The following TTLL9 variants were observed in gnomAD, a reference collection of about 807,000 sequenced individuals.
TTLL9 encodes the protein tubulin tyrosine ligase like 9.
TTLL9 carries 47 observed loss-of-function variants against 65.6 expected under a neutral mutation model. The observed-to-expected ratio is 0.72, with a 90% CI of 0.57 to 0.91. TTLL9 has a LOEUF of 0.91. TTLL9 is among the 40% of genes least tolerant of loss of function. The probability of loss-of-function intolerance (pLI) is 0.00; values close to 1 mark genes in which losing one functional copy is unlikely to be tolerated. For synonymous variants in TTLL9, 179 were observed against 204.8 expected (o/e 0.87, Z 1.07); for missense variants, 537 against 568.8 (o/e 0.94, Z 0.57).
In TTLL9 at chr20:31,881,602, C is replaced by CTTTTT. The variant is rs5841092; in HGVS notation, c.70-5578_70-5574dup. On this transcript the variant is annotated intron_variant, in intron 2 of 14. Coordinates refer to ENST00000535842, the MANE Select transcript of TTLL9 (RefSeq NM_001008409.5). ...AATACACAGATTGGGACACATATAA[C>CTTTTT]TTTTTTTTTTTTTTTTTTTTGGAGA... Among the ~76,000 whole-genome samples the CTTTTT allele has an allele frequency of 4.8e-5, 6 of 125,258 alleles. 1 individual carries two copies. The highest frequency in any genetic ancestry group is 9.2e-5 in the African/African-American group (3 of 32,546). The allele number at this position is 125,258 out of a possible 152,430, so 82.2% of individuals were successfully genotyped here. A position where few individuals can be genotyped will look rare whatever the true frequency, so the allele number is the denominator to read the frequency against.
intron 10 of TTLL9, among the ~76,000 whole-genome samples, chr20:31,928,374 C>T (rs1308544244): frequency 6.6e-6 from 1 of 151,822 alleles, no homozygotes; most frequent in Admixed American, 6.6e-5. Context: ...CTATAACAAC[C>T]CATGCATTTA....
At chr20:31,927,480 C>CAAAAAAAAAAA (rs777895091) in intron 10 of TTLL9, among the ~76,000 whole-genome samples, 1 of 54,198 alleles carries the variant, frequency 1.8e-5, no homozygotes, top group Non-Finnish European at 3.3e-5. Context: ...GACTCTGTCT[C>CAAAAAAAAAAA]AAAAAAAAAA....
chr20:31,876,917 T>A (rs1273855182), intron 2 of TTLL9, among the ~76,000 whole-genome samples: 1 of 152,238 alleles, frequency 6.6e-6, no homozygotes, highest in Non-Finnish European at 1.5e-5. Flanking sequence ...ATTGACATAT[T>A]TTATTTTTGT....
At chr20:31,887,805 T>C (rs943668297) in intron 3 of TTLL9, among the ~76,000 whole-genome samples, 2 of 151,688 alleles carry the variant, frequency 1.3e-5, no homozygotes, top group Non-Finnish European at 2.9e-5. Context: ...GTAGTTTACA[T>C]AGCAAATGTT....
Position 31,938,130 on chromosome 20 carries a change from C to T in TTLL9, c.1118+621C>T, listed in dbSNP as rs1324922776. 13 of 441,894 alleles carry T rather than the reference C, an allele frequency of 2.9e-5. No homozygotes were observed. The East Asian group carries it at 8.9e-4, about 30-fold the overall frequency. The allele number at this position is 441,894 out of a possible 1,614,324, so 27.4% of individuals were successfully genotyped here. The stretch of plus-strand genomic sequence containing the variant: ...TCTCCCTCCCTCCCTCTCCCTCTCC[C>T]TCCCTCCCTTCTCTTTCCTCTGTAT... On this transcript the variant is annotated intron_variant, in intron 13 of 14. Coordinates refer to ENST00000535842, the MANE Select transcript of TTLL9 (RefSeq NM_001008409.5).
At chr20:31,877,087 T>C (rs1475411463) in intron 2 of TTLL9, among the ~76,000 whole-genome samples, 2 of 152,244 alleles carry the variant, frequency 1.3e-5, no homozygotes, top group Middle Eastern at 3.2e-3. Flanking sequence ...TTTTCCTTAA[T>C]GGTCTGAAGG....
intron 6 of TTLL9, among the ~76,000 whole-genome samples, chr20:31,919,213 T>C (rs982628139): frequency 6.6e-6 from 1 of 152,232 alleles, no homozygotes; most frequent in African/African-American, 2.4e-5. Context: ...TTCCATTGCA[T>C]AATGCTCAAC....
In TTLL9 at chr20:31,926,072, G is replaced by T. The variant is rs778926293; in HGVS notation, c.729G>T (p.Trp243Cys). Residue 243 changes from tryptophan to cysteine, a missense_variant, in exon 10 of 15, where the codon TGG becomes TGT. This residue lies in a region of TTLL9 where 12 missense variants were observed against 32.0 expected (regional missense o/e 0.37). Transcript: ENST00000535842. Reference sequence around the variant, plus strand: ...AGGTGTTTGCTGAATGCCTGCTGTGGTCTGGGCACAGGAGACAGGGTATGA... The same window carrying T: ...AGGTGTTTGCTGAATGCCTGCTGTGTTCTGGGCACAGGAGACAGGGTATGA... ...VMSVFAECLL[W>C]SGHRRQDVHL... 7.4e-6 allele frequency: 12 copies of T among 1,611,694 alleles called. No individual in the cohort carries two copies. Among genetic ancestry groups the T allele is most frequent in the Non-Finnish European group, 9.3e-6 (11 of 1,177,916 alleles).
intron 10 of TTLL9, among the ~76,000 whole-genome samples, chr20:31,929,426 C>G (rs925820110): frequency 3.9e-5 from 6 of 152,172 alleles, no homozygotes; most frequent in African/African-American, 1.4e-4. Flanking sequence ...GAAACCTTCT[C>G]TAGGCATATT....
intron 6 of TTLL9, among the ~76,000 whole-genome samples, chr20:31,914,236 A>G (rs1201550650): frequency 6.6e-6 from 1 of 152,232 alleles, no homozygotes; most frequent in Admixed American, 6.5e-5. Context: ...TCAGTAAATA[A>G]TAGAAAATCC....
At chr20:31,924,610 T>G (rs2063866538) in intron 8 of TTLL9, among the ~76,000 whole-genome samples, 3 of 150,420 alleles carry the variant, frequency 2.0e-5, no homozygotes, top group Admixed American at 1.3e-4. Flanking sequence ...TTTGAGACCA[T>G]GTCTTGCTCT....
chr20:31,935,630 G>T (rs1419550055), intron 12 of TTLL9, among the ~76,000 whole-genome samples: 1 of 152,246 alleles, frequency 6.6e-6, no homozygotes, highest in Admixed American at 6.5e-5. Flanking sequence ...GCACCAGCAG[G>T]TCTCTCTCCT....
Position 31,881,074 on chromosome 20 carries a change from G to A in TTLL9, c.70-6122G>A, listed in dbSNP as rs1039853105. Among the ~76,000 whole-genome samples the A allele has an allele frequency of 3.3e-5, 5 of 151,850 alleles. No homozygotes were observed. In the East Asian group the frequency reaches 7.8e-4, roughly 24 times the overall value. On this transcript the variant is annotated intron_variant, in intron 2 of 14. Transcript: ENST00000535842. Reference sequence around the variant, plus strand: ...CTATGTTATGTTGCTATGTTGCCCAGCCTTGTCTGGAACTCTTGGCCTCAA... The same window carrying A: ...CTATGTTATGTTGCTATGTTGCCCAACCTTGTCTGGAACTCTTGGCCTCAA...
intron 13 of TTLL9, 126 bp from the exon 14 acceptor site, chr20:31,939,016 T>C: frequency 8.7e-7 from 1 of 1,151,156 alleles, no homozygotes; most frequent in East Asian, 2.8e-5. Flanking sequence ...CAATGAATGG[T>C]TGGGAAAAAG....
chr20:31,938,979 G>A (rs2064161544), intron 13 of TTLL9, among the ~76,000 whole-genome samples, 163 bp from the exon 14 acceptor site: 1 of 152,288 alleles, frequency 6.6e-6, no homozygotes, highest in South Asian at 2.1e-4. Context: ...ACCCCTCAGA[G>A]ACCTACATAG....
At position 31,873,789 on chromosome 20, in the gene TTLL9, AAAGAAAGGAAGG is replaced by A. The variant is rs1568722810; in HGVS notation, c.69+2598_69+2609del. 4.2e-3 allele frequency among the ~76,000 whole-genome samples: 533 copies of A among 125,654 alleles called. 7 individuals are homozygous for A. Among genetic ancestry groups the A allele is most frequent in the African/African-American group, 0.015 (505 of 33,456 alleles). The allele number at this position is 125,654 out of a possible 152,430, so 82.4% of individuals were successfully genotyped here. A position where few individuals can be genotyped will look rare whatever the true frequency, so the allele number is the denominator to read the frequency against. ...GAAAGAGAAAGAAAGAAAGAAAAAG[AAAGAAAGGAAGG>A]AAGGAAGGAAGGAAGGAAGGAAGAA... is the stretch of plus-strand genomic sequence containing the variant. On this transcript the variant is annotated intron_variant, in intron 2 of 14. Coordinates refer to ENST00000535842, the MANE Select transcript of TTLL9 (RefSeq NM_001008409.5).
rs530456662 is a variant in TTLL9, at chr20:31,941,841, T to C, written c.1244-1104T>C. Among the ~76,000 whole-genome samples the C allele has an allele frequency of 5.3e-4, 80 of 152,308 alleles. 1 individual carries two copies. Among genetic ancestry groups the C allele is most frequent in the Middle Eastern group, 3.4e-3 (1 of 294 alleles). On this transcript the variant is annotated intron_variant, in intron 14 of 14. Coordinates refer to ENST00000535842, the MANE Select transcript of TTLL9 (RefSeq NM_001008409.5). Reference sequence around the variant, plus strand: ...TAGAATTATTCCTGTTTCAAGTGTTTGGGTTTATGGTGGTAAACACAAGGG... The same window carrying C: ...TAGAATTATTCCTGTTTCAAGTGTTCGGGTTTATGGTGGTAAACACAAGGG...
At chr20:31,873,853 A>G (rs1347779878) in intron 2 of TTLL9, among the ~76,000 whole-genome samples, 1 of 150,624 alleles carries the variant, frequency 6.6e-6, no homozygotes, top group African/African-American at 2.5e-5. Flanking sequence ...AGAAAGAAAG[A>G]AAGAAAGAAA....
chr20:31,885,059 G>T (rs1236834463), intron 2 of TTLL9, among the ~76,000 whole-genome samples: 3 of 152,136 alleles, frequency 2.0e-5, no homozygotes, highest in South Asian at 2.1e-4. Context: ...ATTTTTAAAA[G>T]ATTTAAATTA....
Sources: gnomAD v4.1 joint callset for allele counts (sites outside exome capture counted in the v4.1 genomes callset) on GRCh38, gnomAD v4.1.1 for gene constraint, gnomAD v4.1.1 regional missense constraint, MANE v1.5 for transcripts, NCBI Gene and HGNC (gene_info 2026-07-23, HGNC 2026-07-21) for gene names.